Variants in EPB41L2 observed in about 807,000 individuals in gnomAD.
EPB41L2 encodes the protein band 4.1-like protein 2.
Under a neutral mutation model 113.0 loss-of-function variants are expected in EPB41L2, and 43 were observed. That is an observed-to-expected ratio of 0.38 (90% CI 0.30 to 0.49). The LOEUF is 0.49. Ranked by LOEUF, EPB41L2 falls within the 20% of genes least tolerant of loss-of-function variation. The pLI is 0.95. For synonymous variants in EPB41L2, 442 were observed against 436.7 expected, an observed-to-expected ratio of 1.01 and a Z score of -0.15; for missense variants, 1,147 against 1,223.4, an observed-to-expected ratio of 0.94 and a Z score of 0.93.
chr6:131,046,664 T>TC (rs1010582874), intron 1 of EPB41L2, among the ~76,000 whole-genome samples: 1 of 152,150 alleles, frequency 6.6e-6, no homozygotes, highest in African/African-American at 2.4e-5. Flanking sequence ...TTTTAACCTG[T>TC]CAACATTCCA....
chr6:130,912,416 G>A (rs1050282438), intron 4 of EPB41L2, among the ~76,000 whole-genome samples: 2 of 152,216 alleles, frequency 1.3e-5, no homozygotes, highest in South Asian at 2.1e-4. Context: ...AAGCAGAGCC[G>A]CATGGCCCCT....
intron 8 of EPB41L2, among the ~76,000 whole-genome samples, chr6:130,897,681 T>C (rs1583208642): frequency 6.6e-6 from 1 of 152,316 alleles, no homozygotes; most frequent in South Asian, 2.1e-4. Flanking sequence ...TCCCTATTTC[T>C]GTTTCTTGGC....
intron 1 of EPB41L2, among the ~76,000 whole-genome samples, chr6:131,037,214 G>C (rs182529157): frequency 3.3e-4 from 51 of 152,260 alleles, no homozygotes; most frequent in Middle Eastern, 3.4e-3. Context: ...AGAACGCTAA[G>C]CTTAGTATAT....
intron 11 of EPB41L2, among the ~76,000 whole-genome samples, chr6:130,886,528 T>C (rs1791029197): frequency 2.0e-5 from 3 of 152,182 alleles, no homozygotes; most frequent in African/African-American, 7.2e-5. Flanking sequence ...TCCCAGCCCT[T>C]AAATACTCAC....
intron 19 of EPB41L2, among the ~76,000 whole-genome samples, chr6:130,844,989 C>T (rs1370967470): frequency 1.3e-5 from 2 of 152,216 alleles, no homozygotes; most frequent in African/African-American, 2.4e-5. Flanking sequence ...TTGCAGTGAG[C>T]TGAGATCATG....
chr6:131,060,338 C>T (rs967146996), intron 1 of EPB41L2, among the ~76,000 whole-genome samples: 1 of 152,208 alleles, frequency 6.6e-6, no homozygotes, highest in Admixed American at 6.5e-5. Flanking sequence ...AGGGCAGAAC[C>T]TGATGTTAAA....
chr6:130,998,919 C>T (rs1299651605), intron 1 of EPB41L2, among the ~76,000 whole-genome samples: 2 of 152,122 alleles, frequency 1.3e-5, no homozygotes, highest in Non-Finnish European at 2.9e-5. Context: ...TCTTCTACCT[C>T]GAATAGAGTC....
Position 130,937,230 on chromosome 6 carries a change from C to T in EPB41L2, c.706-10521G>A, listed in dbSNP as rs139191465. Reference sequence around the variant, plus strand: ...ACAAATGTACAATGACACGTATCCACGATGTATTATAGCATCATACAGAGT... The same window carrying T: ...ACAAATGTACAATGACACGTATCCATGATGTATTATAGCATCATACAGAGT... On this transcript the variant is annotated intron_variant, in intron 3 of 19. Transcript: ENST00000337057. Among the ~76,000 whole-genome samples the T allele has an allele frequency of 5.9e-3, 896 of 152,282 alleles. 12 individuals carry two copies. Among genetic ancestry groups the T allele is most frequent in the Non-Finnish European group, 7.2e-3 (492 of 68,032 alleles).
At chr6:130,890,831 T>C (rs1398030884) in intron 10 of EPB41L2, among the ~76,000 whole-genome samples, 2 of 152,238 alleles carry the variant, frequency 1.3e-5, no homozygotes, top group African/African-American at 4.8e-5. Flanking sequence ...CCATTACCAT[T>C]AGTAATTCTT....
At chr6:131,008,312 C>A (rs763026812) in intron 1 of EPB41L2, among the ~76,000 whole-genome samples, 1 of 152,236 alleles carries the variant, frequency 6.6e-6, no homozygotes, top group Admixed American at 6.5e-5. Flanking sequence ...GTGGCATCCA[C>A]GTGGTGTTGA....
intron 1 of EPB41L2, among the ~76,000 whole-genome samples, chr6:131,019,000 A>C (rs1788870349): frequency 6.6e-6 from 1 of 152,176 alleles, no homozygotes; most frequent in Non-Finnish European, 1.5e-5. Context: ...ACTATTCTTC[A>C]ACACATGCTC....
chr6:130,894,982 T>C lies in EPB41L2; in HGVS notation c.1374A>G (p.Lys458=), dbSNP rs1310096177. ...ISYKRSNFYI[K]VRPAELEQFE... is the part of the protein sequence containing the mutation. ...CTTGGCTTACCTCTGCCGGTCTGAC[T>C]TTAATGTAGAAGTTACTGCGTTTAT... The change falls in exon 9 of 20, where the codon AAA becomes AAG. Residue 458 remains lysine, a synonymous_variant. Transcript: ENST00000337057. 1 of 1,613,744 alleles carries C rather than the reference T, an allele frequency of 6.2e-7. No homozygotes were observed. Among genetic ancestry groups the C allele is most frequent in the East Asian group, 2.2e-5 (1 of 44,872 alleles).
Position 130,956,234 on chromosome 6 carries a change from C to T in EPB41L2, c.252G>A (p.Lys84=). 1 of 1,614,136 alleles carries T rather than the reference C, an allele frequency of 6.2e-7. No individual in the cohort carries two copies. Among genetic ancestry groups the T allele is most frequent in the Non-Finnish European group, 8.5e-7 (1 of 1,180,040 alleles). The change falls in exon 2 of 20, where the codon AAG becomes AAA. Residue 84 remains lysine (K), a synonymous_variant. Coordinates refer to ENST00000337057, the MANE Select transcript of EPB41L2 (RefSeq NM_001431.4). ...ISRFIPPWLK[K]QKSYTLVVAK... is the part of the protein sequence containing the mutation. The stretch of plus-strand genomic sequence containing the variant: ...CCACTACTAAGGTATATGACTTTTG[C>T]TTCTTAAGCCATGGCGGTATGAACC...
chr6:131,021,699 G>GC (rs1789534926), intron 1 of EPB41L2, among the ~76,000 whole-genome samples: 1 of 151,932 alleles, frequency 6.6e-6, no homozygotes, highest in Non-Finnish European at 1.5e-5. Context: ...AATAGCAAGA[G>GC]CATTAGCTAA....
intron 4 of EPB41L2, among the ~76,000 whole-genome samples, chr6:130,924,166 C>G (rs984882425): frequency 1.3e-5 from 2 of 152,180 alleles, no homozygotes; most frequent in East Asian, 3.8e-4. Flanking sequence ...CCTTCTTTCT[C>G]AAGGCTGAGT....
At chr6:131,051,152 A>G (rs1796435545) in intron 1 of EPB41L2, among the ~76,000 whole-genome samples, 1 of 152,040 alleles carries the variant, frequency 6.6e-6, no homozygotes, top group Non-Finnish European at 1.5e-5. Context: ...CCAATAACAT[A>G]TCAGTCATCC....
chr6:130,870,219 T>C lies in EPB41L2; in HGVS notation c.2044-93A>G, dbSNP rs879598286. 19 of 1,528,612 alleles carry C rather than the reference T, an allele frequency of 1.2e-5. No homozygotes were observed. The African/African-American group carries it at 2.1e-4, about 17-fold the overall frequency. 94.7% of individuals were successfully genotyped at this position (1,528,612 alleles called of 1,614,324 possible). On this transcript the variant is annotated intron_variant, in intron 14 of 19. Transcript: ENST00000337057. Reference sequence around the variant, plus strand: ...ATTAACCGATGGCAGATTCATGTCATGGAGAAAAACAAAGATGATTATGAT... The same window carrying C: ...ATTAACCGATGGCAGATTCATGTCACGGAGAAAAACAAAGATGATTATGAT...
intron 8 of EPB41L2, among the ~76,000 whole-genome samples, chr6:130,896,909 A>C (rs1294430799): frequency 6.6e-6 from 1 of 152,124 alleles, no homozygotes; most frequent in East Asian, 1.9e-4. Context: ...GAGAGAAAGG[A>C]AAGGGAGGTC....
intron 3 of EPB41L2, among the ~76,000 whole-genome samples, chr6:130,930,285 T>C (rs1303331873): frequency 6.6e-6 from 1 of 152,152 alleles, no homozygotes; most frequent in Non-Finnish European, 1.5e-5. Context: ...AATTTTTGTT[T>C]TAAAGACCAC....
Sources: allele counts gnomAD v4.1 joint callset (sites outside exome capture counted in the v4.1 genomes callset), GRCh38; gene constraint gnomAD v4.1.1; transcripts MANE v1.5; gene names NCBI Gene and HGNC (gene_info 2026-07-23, HGNC 2026-07-21).